Variants in LIMD1 observed in about 807,000 individuals in gnomAD.
LIMD1 encodes LIM domain-containing protein 1.
A neutral mutation model predicts 58.4 loss-of-function variants in LIMD1; 23 were observed. That is an observed-to-expected ratio of 0.39 (90% confidence interval 0.28 to 0.56). The LOEUF is 0.56. Among genes scored for constraint, LIMD1 ranks in the 20% least tolerant of loss-of-function variants. The probability of loss-of-function intolerance (pLI) is 0.57; values close to 1 mark genes in which losing one functional copy is unlikely to be tolerated. For missense variants in LIMD1, 838 were observed against 855.5 expected (o/e 0.98, Z 0.25); for synonymous variants, 334 against 345.5 (o/e 0.97, Z 0.37).
chr3:45,677,143 G>T lies in LIMD1; in HGVS notation c.*84G>T. The stretch of plus-strand genomic sequence containing the variant: ...TTCCGGTGGCCCCTGGGGTGGAAGT[G>T]GGGTAGGGGAAGAGGAGGGGCAGGA... On this transcript the variant is annotated 3_prime_UTR_variant, in exon 8 of 8. Coordinates refer to ENST00000273317, the MANE Select transcript of LIMD1 (RefSeq NM_014240.3). 6.6e-7 allele frequency: 1 copy of T among 1,511,714 alleles called. No homozygotes were observed. Among genetic ancestry groups the T allele is most frequent in the East Asian group, 2.3e-5 (1 of 43,942 alleles). 93.6% of individuals were successfully genotyped at this position (1,511,714 alleles called of 1,614,324 possible).
intron 4 of LIMD1, among the ~76,000 whole-genome samples, chr3:45,670,243 T>A (rs1318992): frequency 6.6e-6 from 1 of 152,220 alleles, no homozygotes; most frequent in African/African-American, 2.4e-5. Context: ...CAACATGCTC[T>A]GAATTTATGA....
At chr3:45,654,195 A>G (rs906327472) in intron 2 of LIMD1, among the ~76,000 whole-genome samples, 4 of 152,186 alleles carry the variant, frequency 2.6e-5, no homozygotes, top group Admixed American at 1.3e-4. Context: ...AATCAAAACA[A>G]TCCAAGTGAC....
At chr3:45,616,598 G>C (rs1187059288) in intron 1 of LIMD1, among the ~76,000 whole-genome samples, 1 of 151,772 alleles carries the variant, frequency 6.6e-6, no homozygotes, top group Non-Finnish European at 1.5e-5. Context: ...CCCCCTCCTG[G>C]CTGTGAGCCC....
At chr3:45,641,774 C>G (rs1701846181) in intron 2 of LIMD1, among the ~76,000 whole-genome samples, 1 of 152,212 alleles carries the variant, frequency 6.6e-6, no homozygotes, top group Non-Finnish European at 1.5e-5. Flanking sequence ...TTCCTGGGTC[C>G]TTGTCCCATA....
intron 2 of LIMD1, among the ~76,000 whole-genome samples, chr3:45,656,276 A>C (rs904360094): frequency 7.9e-5 from 12 of 152,192 alleles, no homozygotes; most frequent in African/African-American, 2.9e-4. Context: ...AAAATGACTA[A>C]GACATTCCCC....
At chr3:45,635,956 G>A in intron 1 of LIMD1, 194 bp from the exon 2 acceptor site, 6 of 985,214 alleles carry the variant, frequency 6.1e-6, no homozygotes, top group Non-Finnish European at 7.2e-6. Flanking sequence ...AGTCCAGCCT[G>A]GTAGCTGTTT....
At chr3:45,635,766 G>T (rs1366422615) in intron 1 of LIMD1, 1 of 285,058 alleles carries the variant, frequency 3.5e-6, no homozygotes, top group Non-Finnish European at 5.1e-6. Context: ...AAAAAGGGAG[G>T]AAAAAAGAAA....
At chr3:45,612,817 T>C (rs2125651498) in intron 1 of LIMD1, 1 of 152,378 alleles carries the variant, frequency 6.6e-6, no homozygotes, top group East Asian at 1.9e-4. Context: ...TCTGTATTTG[T>C]GAATCAGCTT....
intron 2 of LIMD1, among the ~76,000 whole-genome samples, chr3:45,645,587 A>G (rs546613490): frequency 6.6e-6 from 1 of 152,324 alleles, no homozygotes; most frequent in African/African-American, 2.4e-5. Context: ...AGAGCACTCC[A>G]GTACGCCAGG....
intron 2 of LIMD1, among the ~76,000 whole-genome samples, chr3:45,645,810 C>T (rs1701899084): frequency 6.6e-6 from 1 of 152,138 alleles, no homozygotes; most frequent in South Asian, 2.1e-4. Flanking sequence ...GCCCCTGGCT[C>T]TGGCCCCTTC....
intron 1 of LIMD1, among the ~76,000 whole-genome samples, chr3:45,607,001 C>G (rs544966733): frequency 2.0e-5 from 3 of 152,260 alleles, no homozygotes; most frequent in African/African-American, 7.2e-5. Context: ...ACCATGCTGG[C>G]CAGGCAGGTC....
Position 45,629,599 on chromosome 3 carries a change from C to T in LIMD1, c.1409-6551C>T, listed in dbSNP as rs547676202. On this transcript the variant is annotated intron_variant, in intron 1 of 7. Coordinates refer to ENST00000273317, the MANE Select transcript of LIMD1 (RefSeq NM_014240.3). ...CATTTTCCAAAACCACCCCAGCCTG[C>T]CTTGCTCCCATCCTGGGCCTATAAA... Among the ~76,000 whole-genome samples the T allele has an allele frequency of 1.4e-3, 219 of 152,190 alleles. 1 individual carries two copies. Among genetic ancestry groups the T allele is most frequent in the Middle Eastern group, 0.01 (3 of 294 alleles).
At chr3:45,649,771 T>TATATAATAAA (rs1701946748) in intron 2 of LIMD1, among the ~76,000 whole-genome samples, 1 of 145,804 alleles carries the variant, frequency 6.9e-6, no homozygotes, top group African/African-American at 2.5e-5. Context: ...ATATATATAA[T>TATATAATAAA]TATATATATA....
chr3:45,615,708 G>A (rs56300943), intron 1 of LIMD1, among the ~76,000 whole-genome samples: 1 of 151,772 alleles, frequency 6.6e-6, no homozygotes, highest in African/African-American at 2.4e-5. Flanking sequence ...GTGATCCATA[G>A]TCACGCCTGT....
In LIMD1 at chr3:45,595,938, G is replaced by A. The variant is rs199819721; in HGVS notation, c.1059G>A (p.Ser353=). The A allele has an allele frequency of 2.2e-5, 36 of 1,614,198 alleles. No homozygotes were observed. The highest frequency in any genetic ancestry group is 1.5e-4 in the Admixed American group (9 of 60,024). ...SYLSSSAPSS[S]PAGLDGSQQG... ...TTTCCAGTTCTGCCCCGTCATCCTC[G>A]CCAGCTGGTCTGGACGGTTCACAGC... Residue 353 remains serine (S), a synonymous_variant, in exon 1 of 8, where the codon TCG becomes TCA. Coordinates refer to ENST00000273317, the MANE Select transcript of LIMD1 (RefSeq NM_014240.3).
chr3:45,634,709 G>A (rs1353894840), intron 1 of LIMD1, among the ~76,000 whole-genome samples: 1 of 152,208 alleles, frequency 6.6e-6, no homozygotes, highest in African/African-American at 2.4e-5. Flanking sequence ...TTGTGGAGCT[G>A]TTTTAGACCA....
At chr3:45,648,794 TG>T (rs34797094) in intron 2 of LIMD1, among the ~76,000 whole-genome samples, 152,334 of 152,334 alleles carry the variant, frequency 1, 76,167 homozygotes, top group Non-Finnish European at 1. Flanking sequence ...GATCTCATTG[TG>T]GGTTTTGATT....
intron 4 of LIMD1, among the ~76,000 whole-genome samples, chr3:45,672,166 G>C (rs952027584): frequency 2.6e-5 from 4 of 152,238 alleles, no homozygotes; most frequent in African/African-American, 9.6e-5. Flanking sequence ...AGTCAAAGCT[G>C]CATAGAAGGG....
intron 1 of LIMD1, among the ~76,000 whole-genome samples, chr3:45,611,790 T>C (rs2125651143): frequency 6.6e-6 from 1 of 152,254 alleles, no homozygotes; most frequent in African/African-American, 2.4e-5. Flanking sequence ...AGAGGCTCTT[T>C]GTTGGCCAGC....
Sources: allele counts gnomAD v4.1 joint callset (sites outside exome capture counted in the v4.1 genomes callset), GRCh38; gene constraint gnomAD v4.1.1; transcripts MANE v1.5; gene names NCBI Gene and HGNC (gene_info 2026-07-23, HGNC 2026-07-21).